FRMD4A: variants seen among roughly 807,000 people sequenced by gnomAD.
FRMD4A encodes FERM domain containing 4A, also known as FERM domain-containing protein 4A.
In FRMD4A, 29 loss-of-function variants were observed where a neutral mutation model predicts 129.1. That is an observed-to-expected ratio of 0.22 (90% confidence interval 0.17 to 0.31). The LOEUF (loss-of-function observed/expected upper bound fraction) is 0.31. Among genes scored for constraint, FRMD4A ranks in the 10% least tolerant of loss-of-function variants. The probability of loss-of-function intolerance (pLI) is 1.00; values close to 1 mark genes in which losing one functional copy is unlikely to be tolerated. For missense variants in FRMD4A, 1,272 were observed against 1,375.8 expected, an observed-to-expected ratio of 0.92 and a Z score of 1.19; for synonymous variants, 634 against 571.6, an observed-to-expected ratio of 1.11 and a Z score of -1.56.
intron 2 of FRMD4A, among the ~76,000 whole-genome samples, chr10:14,060,472 T>C (rs1017500292): frequency 3.3e-5 from 5 of 152,176 alleles, no homozygotes; most frequent in African/African-American, 4.8e-5. Flanking sequence ...GGTGACCACT[T>C]TTACAAGTGG....
chr10:13,883,216 G>A (rs999377082), intron 2 of FRMD4A, among the ~76,000 whole-genome samples: 3 of 152,092 alleles, frequency 2.0e-5, no homozygotes, highest in African/African-American at 7.2e-5. Flanking sequence ...TCTGCCAGGT[G>A]CGTTGGCTCA....
At chr10:13,662,836 A>G (rs989871429) in intron 19 of FRMD4A, among the ~76,000 whole-genome samples, 2 of 152,144 alleles carry the variant, frequency 1.3e-5, no homozygotes, top group Admixed American at 6.5e-5. Flanking sequence ...ATCTAAATCA[A>G]TTTCTACCCT....
chr10:14,237,317 G>A (rs1403478407), intron 2 of FRMD4A, among the ~76,000 whole-genome samples: 1 of 149,852 alleles, frequency 6.7e-6, no homozygotes, highest in Non-Finnish European at 1.5e-5. Context: ...ACACATATGG[G>A]GCATCAATTT....
intron 19 of FRMD4A, among the ~76,000 whole-genome samples, chr10:13,663,051 G>A (rs2082754592): frequency 6.6e-6 from 1 of 151,120 alleles, no homozygotes; most frequent in African/African-American, 2.4e-5. Context: ...AAAATTGCCA[G>A]GTGTGGTGGC....
At chr10:14,051,446 A>G (rs1249577122) in intron 2 of FRMD4A, among the ~76,000 whole-genome samples, 1 of 152,198 alleles carries the variant, frequency 6.6e-6, no homozygotes, top group Non-Finnish European at 1.5e-5. Context: ...GTTCCATAAG[A>G]GAAAACCAAG....
intron 2 of FRMD4A, among the ~76,000 whole-genome samples, chr10:13,928,965 T>C (rs1257475083): frequency 6.6e-6 from 1 of 152,242 alleles, no homozygotes; most frequent in East Asian, 1.9e-4. Context: ...GTTCCAAACA[T>C]GCTTGAGCAT....
chr10:13,904,422 C>T (rs1380236915), intron 2 of FRMD4A, among the ~76,000 whole-genome samples: 1 of 152,214 alleles, frequency 6.6e-6, no homozygotes, highest in Non-Finnish European at 1.5e-5. Context: ...TTCCCCTCTC[C>T]CATGCCCTAA....
At chr10:13,915,445 G>A (rs1238581779) in intron 2 of FRMD4A, among the ~76,000 whole-genome samples, 2 of 151,992 alleles carry the variant, frequency 1.3e-5, no homozygotes, top group African/African-American at 4.8e-5. Context: ...GGCTGAGGCG[G>A]GCGGATCACA....
At chr10:13,875,416 A>G (rs530516591) in intron 2 of FRMD4A, among the ~76,000 whole-genome samples, 19 of 152,280 alleles carry the variant, frequency 1.2e-4, no homozygotes, top group African/African-American at 4.6e-4. Context: ...CCCCCCAGTG[A>G]TTTGTAAAGG....
intron 8 of FRMD4A, among the ~76,000 whole-genome samples, chr10:13,750,069 G>GAAGAAAGAAAAAGA (rs2091503146): frequency 1.8e-5 from 1 of 55,600 alleles, no homozygotes; most frequent in Non-Finnish European, 3.7e-5. Flanking sequence ...AGGAAGGAAG[G>GAAGAAAGAAAAAGA]AAGAAAGAAA....
chr10:14,029,810 GA>G (rs11310080), intron 2 of FRMD4A, among the ~76,000 whole-genome samples: 50,875 of 147,274 alleles, frequency 0.35, 8,951 homozygotes, highest in East Asian at 0.51. Flanking sequence ...CAGTTTACAT[GA>G]AAAAAAAAAA....
At chr10:13,978,339 A>T (rs2095549202) in intron 2 of FRMD4A, among the ~76,000 whole-genome samples, 1 of 152,184 alleles carries the variant, frequency 6.6e-6, no homozygotes, top group African/African-American at 2.4e-5. Context: ...GAATCTGGGG[A>T]AAAGAGGCTG....
At chr10:13,924,295 C>T (rs553823963) in intron 2 of FRMD4A, among the ~76,000 whole-genome samples, 3 of 152,132 alleles carry the variant, frequency 2.0e-5, no homozygotes, top group Non-Finnish European at 4.4e-5. Context: ...CCTCCAATGA[C>T]TTCTCATCTA....
intron 2 of FRMD4A, among the ~76,000 whole-genome samples, chr10:14,141,929 C>T (rs908840958): frequency 3.3e-5 from 5 of 152,056 alleles, no homozygotes; most frequent in East Asian, 3.9e-4. Context: ...CAATAAAGGT[C>T]GATAGCCTAA....
chr10:13,991,621 G>A (rs1306217465), intron 2 of FRMD4A, among the ~76,000 whole-genome samples: 1 of 152,216 alleles, frequency 6.6e-6, no homozygotes, highest in African/African-American at 2.4e-5. Context: ...ATGTTCCCAT[G>A]TCTTGGCTTA....
intron 2 of FRMD4A, among the ~76,000 whole-genome samples, chr10:14,019,031 T>C (rs1832611678): frequency 6.6e-6 from 1 of 152,128 alleles, no homozygotes; most frequent in South Asian, 2.1e-4. Context: ...GGAAGATGTC[T>C]CCAGCAGAAG....
chr10:14,059,200 G>A (rs1471541564), intron 2 of FRMD4A, among the ~76,000 whole-genome samples: 1 of 152,106 alleles, frequency 6.6e-6, no homozygotes, highest in Non-Finnish European at 1.5e-5. Flanking sequence ...ATAAAATCAC[G>A]TGGTTACTGT....
Position 14,057,547 on chromosome 10 carries a change from T to C in FRMD4A, c.46-198635A>G, listed in dbSNP as rs941260158. The stretch of plus-strand genomic sequence containing the variant: ...CAGTTTTGAAACCAAAGGCCTCCCT[T>C]CCTATCTACTGTGTGAATTTATAAT... On this transcript the variant is annotated intron_variant, in intron 2 of 24. Coordinates refer to ENST00000357447, the MANE Select transcript of FRMD4A (RefSeq NM_018027.5). 2.7e-5 allele frequency among the ~76,000 whole-genome samples: 4 copies of C among 149,852 alleles called. No individual in the cohort carries two copies. In the Admixed American group the frequency reaches 2.7e-4, roughly 10 times the overall value.
intron 2 of FRMD4A, among the ~76,000 whole-genome samples, chr10:14,260,900 C>G (rs542988600): frequency 6.6e-6 from 1 of 152,310 alleles, no homozygotes; most frequent in Admixed American, 6.5e-5. Context: ...GAGTAGACAC[C>G]TGGGGTCAGG....
Sources: gnomAD v4.1 joint callset for allele counts (sites outside exome capture counted in the v4.1 genomes callset) on GRCh38, gnomAD v4.1.1 for gene constraint, MANE v1.5 for transcripts, NCBI Gene and HGNC (gene_info 2026-07-23, HGNC 2026-07-21) for gene names.